The following STK39 variants were observed in gnomAD, a reference collection of about 807,000 sequenced individuals.
STK39 encodes the protein serine/threonine kinase 39, also known as STE20/SPS1-related proline-alanine-rich protein kinase.
Under a neutral mutation model 77.8 loss-of-function variants are expected in STK39, and 20 were observed. That is an observed-to-expected ratio of 0.26 (90% CI 0.18 to 0.37). STK39 has a LOEUF of 0.37. Among genes scored for constraint, STK39 ranks in the 10% least tolerant of loss-of-function variants. The pLI is 1.00. For missense variants in STK39, 479 were observed against 656.5 expected, an observed-to-expected ratio of 0.73 and a Z score of 2.95; for synonymous variants, 246 against 234.1, an observed-to-expected ratio of 1.05 and a Z score of -0.47.
At chr2:168,060,332 A>C (rs1242471148) in intron 14 of STK39, among the ~76,000 whole-genome samples, 1 of 152,154 alleles carries the variant, frequency 6.6e-6, no homozygotes, top group Non-Finnish European at 1.5e-5. Context: ...TTAGAGATGG[A>C]GCCTTTGGGA....
intron 10 of STK39, among the ~76,000 whole-genome samples, chr2:168,076,213 G>C (rs1686073919): frequency 6.6e-6 from 1 of 152,164 alleles, no homozygotes; most frequent in African/African-American, 2.4e-5. Flanking sequence ...TTACAGATGA[G>C]GAGATGGAGG....
chr2:168,168,718 C>T (rs1688749196), intron 2 of STK39, among the ~76,000 whole-genome samples: 1 of 152,196 alleles, frequency 6.6e-6, no homozygotes, highest in African/African-American at 2.4e-5. Context: ...TGGCTGGGGG[C>T]AGTGGCTCAT....
chr2:168,195,142 CGTT>C (rs1689436410), intron 1 of STK39, among the ~76,000 whole-genome samples: 1 of 152,166 alleles, frequency 6.6e-6, no homozygotes, highest in African/African-American at 2.4e-5. Context: ...TTTACATCCT[CGTT>C]GTCAAGTTTT....
intron 1 of STK39, chr2:168,231,977 T>A: frequency 4.2e-6 from 1 of 239,508 alleles, no homozygotes. Flanking sequence ...GTCTTAGAGC[T>A]CCTCAAATTG....
In STK39 at chr2:168,181,888, G is replaced by C. The variant is rs909815414; in HGVS notation, c.321+90C>G. On this transcript the variant is annotated intron_variant, in intron 2 of 17. Transcript: ENST00000355999. ...CCAAGAAATGCATATGTCAAAACTGGAGATAACACCTTGCTCTTCTCCCAA... is the reference window on the plus strand; with the variant it reads ...CCAAGAAATGCATATGTCAAAACTGCAGATAACACCTTGCTCTTCTCCCAA... The C allele has an allele frequency of 8.2e-6, 9 of 1,091,242 alleles. No homozygotes were observed. In the Admixed American group the frequency reaches 1.5e-4, roughly 18 times the overall value. 67.6% of individuals were successfully genotyped at this position (1,091,242 alleles called of 1,614,324 possible). A position where few individuals can be genotyped will look rare whatever the true frequency, so the allele number is the denominator to read the frequency against.
At chr2:168,091,725 G>A (rs1216576872) in intron 10 of STK39, among the ~76,000 whole-genome samples, 2 of 152,020 alleles carry the variant, frequency 1.3e-5, no homozygotes, top group South Asian at 2.1e-4. Flanking sequence ...TGCATAAGGT[G>A]AAAATAGGAT....
At chr2:168,194,967 C>G (rs986821497) in intron 1 of STK39, among the ~76,000 whole-genome samples, 5 of 152,178 alleles carry the variant, frequency 3.3e-5, no homozygotes, top group African/African-American at 1.2e-4. Flanking sequence ...AGATGGAGAG[C>G]TGCTTAGGAT....
At chr2:168,017,460 A>ACCTCTGTCT (rs11282758) in intron 14 of STK39, among the ~76,000 whole-genome samples, 2 of 143,224 alleles carry the variant, frequency 1.4e-5, no homozygotes, top group African/African-American at 5.2e-5. Flanking sequence ...TCTCACTGCA[A>ACCTCTGTCT]CCCAGGTTCA....
intron 3 of STK39, among the ~76,000 whole-genome samples, chr2:168,164,183 T>G (rs1455200027): frequency 6.6e-6 from 1 of 152,104 alleles, no homozygotes; most frequent in Non-Finnish European, 1.5e-5. Context: ...CAAAAATTCC[T>G]AAGAGCAACC....
At chr2:168,162,766 G>A (rs1029544146) in intron 4 of STK39, among the ~76,000 whole-genome samples, 12 of 152,040 alleles carry the variant, frequency 7.9e-5, no homozygotes, top group Middle Eastern at 3.4e-3. Flanking sequence ...AGTGGCTCAC[G>A]CCTGTAATCC....
At chr2:168,078,765 G>A (rs377500952) in intron 10 of STK39, among the ~76,000 whole-genome samples, 7 of 145,136 alleles carry the variant, frequency 4.8e-5, no homozygotes, top group Non-Finnish European at 1.5e-5. Flanking sequence ...AAAAAGGAAA[G>A]CACCCACTAG....
In STK39 at chr2:168,109,262, C is replaced by T. The variant is rs75728574; in HGVS notation, c.1089+20279G>A. Reference sequence around the variant, plus strand: ...GAATTTTGTGTTTATCATTTACCTGCTTTTAAAAAATATCATCTCAAATGT... The same window carrying T: ...GAATTTTGTGTTTATCATTTACCTGTTTTTAAAAAATATCATCTCAAATGT... On this transcript the variant is annotated intron_variant, in intron 10 of 17. Transcript: ENST00000355999. Among the ~76,000 whole-genome samples the T allele has an allele frequency of 5.9e-3, 897 of 152,250 alleles. 11 individuals are homozygous for T. Among genetic ancestry groups the T allele is most frequent in the African/African-American group, 0.021 (855 of 41,560 alleles).
At chr2:167,966,251 A>T (rs1692157906) in intron 16 of STK39, among the ~76,000 whole-genome samples, 1 of 152,202 alleles carries the variant, frequency 6.6e-6, no homozygotes, top group East Asian at 1.9e-4. Flanking sequence ...AGACACTAAA[A>T]TCATCAAGTC....
chr2:168,223,526 A>G lies in STK39; in HGVS notation c.208+23702T>C, dbSNP rs544270748. 1.8e-3 allele frequency among the ~76,000 whole-genome samples: 279 copies of G among 151,702 alleles called. 4 individuals are homozygous for G. Among genetic ancestry groups the G allele is most frequent in the African/African-American group, 6.4e-3 (264 of 41,328 alleles). ...ACTCCGTCTCAAAAAAAAAAAAAAAAAAAGAAAAGAAAATTCACTTCTTAT... is the reference window on the plus strand; with the variant it reads ...ACTCCGTCTCAAAAAAAAAAAAAAAGAAAGAAAAGAAAATTCACTTCTTAT... On this transcript the variant is annotated intron_variant, in intron 1 of 17. Transcript: ENST00000355999.
chr2:168,187,826 G>A (rs72876935), intron 1 of STK39, among the ~76,000 whole-genome samples: 2,702 of 151,860 alleles, frequency 0.018, 44 homozygotes, highest in Non-Finnish European at 0.03. Flanking sequence ...AGAACTTTAC[G>A]TTAAAGTTAA....
intron 10 of STK39, among the ~76,000 whole-genome samples, chr2:168,118,924 A>T (rs1245118285): frequency 6.6e-6 from 1 of 152,206 alleles, no homozygotes; most frequent in Non-Finnish European, 1.5e-5. Context: ...AATTTAAAAT[A>T]AAAAAGCAGT....
At chr2:168,097,580 A>T (rs2105444500) in intron 10 of STK39, among the ~76,000 whole-genome samples, 1 of 152,206 alleles carries the variant, frequency 6.6e-6, no homozygotes, top group South Asian at 2.1e-4. Context: ...CATCCCACAC[A>T]CATAATTAGC....
intron 1 of STK39, among the ~76,000 whole-genome samples, chr2:168,242,280 A>G (rs2105281664): frequency 6.6e-6 from 1 of 152,132 alleles, no homozygotes; most frequent in African/African-American, 2.4e-5. Context: ...AATACAAAAG[A>G]GGCCGGGCAC....
chr2:167,990,466 T>C (rs1683673245), intron 16 of STK39, among the ~76,000 whole-genome samples: 1 of 152,230 alleles, frequency 6.6e-6, no homozygotes, highest in Non-Finnish European at 1.5e-5. Context: ...ATTAGGCTTA[T>C]AACGAGAAAT....
Sources: allele counts gnomAD v4.1 joint callset (sites outside exome capture counted in the v4.1 genomes callset), GRCh38; gene constraint gnomAD v4.1.1; transcripts MANE v1.5; gene names NCBI Gene and HGNC (gene_info 2026-07-23, HGNC 2026-07-21).